The following ERC1 variants were observed in gnomAD, a reference collection of about 807,000 sequenced individuals.
The protein encoded by ERC1 is RAB6 interacting protein 2.
In ERC1, 56 loss-of-function variants were observed where a neutral mutation model predicts 132.0. The observed-to-expected ratio is 0.42, with a 90% confidence interval of 0.34 to 0.53. ERC1 has a LOEUF of 0.53. Ranked by LOEUF, ERC1 falls within the 20% of genes least tolerant of loss-of-function variation. The probability of loss-of-function intolerance (pLI) is 0.03; values close to 1 mark genes in which losing one functional copy is unlikely to be tolerated. For missense variants in ERC1, 1,202 were observed against 1,349.9 expected, an observed-to-expected ratio of 0.89 and a Z score of 1.72; for synonymous variants, 478 against 476.1, an observed-to-expected ratio of 1.00 and a Z score of -0.05.
At chr12:1,460,762 A>G (rs1372775769) in intron 18 of ERC1, among the ~76,000 whole-genome samples, 1 of 151,554 alleles carries the variant, frequency 6.6e-6, no homozygotes, top group African/African-American at 2.4e-5. Flanking sequence ...ATTATCTAGT[A>G]TAACAGGGAT....
chr12:1,190,710 A>G (rs1594094744), intron 12 of ERC1, among the ~76,000 whole-genome samples: 1 of 152,122 alleles, frequency 6.6e-6, no homozygotes, highest in Admixed American at 6.6e-5. Flanking sequence ...AAGGTCAAGC[A>G]TGTGCCTCTT....
intron 18 of ERC1, among the ~76,000 whole-genome samples, chr12:1,476,048 G>T (rs191686940): frequency 1.1e-4 from 17 of 151,816 alleles, no homozygotes; most frequent in African/African-American, 4.1e-4. Flanking sequence ...TGGATCACAC[G>T]GTCAGGAGAT....
At chr12:1,150,400 T>C (rs1250362876) in intron 8 of ERC1, among the ~76,000 whole-genome samples, 1 of 152,218 alleles carries the variant, frequency 6.6e-6, no homozygotes, top group Non-Finnish European at 1.5e-5. Flanking sequence ...TTCAAAGTTA[T>C]TTACAACTCT....
chr12:1,008,687 A>G, intron 1 of ERC1, among the ~76,000 whole-genome samples: 1 of 152,222 alleles, frequency 6.6e-6, no homozygotes, highest in East Asian at 1.9e-4. Context: ...GCTTAGTTTT[A>G]TCAGAAATAT....
intron 15 of ERC1, among the ~76,000 whole-genome samples, chr12:1,343,254 T>C (rs1428534460): frequency 6.6e-6 from 1 of 152,224 alleles, no homozygotes; most frequent in Non-Finnish European, 1.5e-5. Context: ...ATAGACTTCA[T>C]CCTTCAAAAG....
chr12:1,345,842 A>G (rs2084399534), intron 15 of ERC1, among the ~76,000 whole-genome samples: 4 of 152,146 alleles, frequency 2.6e-5, no homozygotes, highest in Admixed American at 2.6e-4. Context: ...TGACTATTTC[A>G]GGAAAGACTG....
chr12:1,402,097 A>G (rs1445974186), intron 16 of ERC1, among the ~76,000 whole-genome samples: 1 of 152,236 alleles, frequency 6.6e-6, no homozygotes, highest in Non-Finnish European at 1.5e-5. Flanking sequence ...AAATTAGAAA[A>G]TAAGGAAATT....
In ERC1 at chr12:1,300,216, A is replaced by G. The variant is rs535897107; in HGVS notation, c.2780+10204A>G. On this transcript the variant is annotated intron_variant, in intron 15 of 18. Transcript: ENST00000360905. ...ACCTGACAAAAACAAGCAATGGGGG[A>G]AAGGATTCCTTATTCAATAAATGGT... Among the ~76,000 whole-genome samples, 678 of 152,330 alleles carry G rather than the reference A, an allele frequency of 4.5e-3. 7 individuals are homozygous for G. The highest frequency in any genetic ancestry group is 0.016 in the African/African-American group (657 of 41,566).
intron 15 of ERC1, among the ~76,000 whole-genome samples, chr12:1,297,198 TAAA>T (rs35473192): frequency 0.013 from 1,689 of 130,352 alleles, 11 homozygotes; most frequent in Non-Finnish European, 0.017. Context: ...TTCAGGGTAC[TAAA>T]AAAAAAAAAA....
chr12:1,464,511 CTTTTTTTTTTTT>C (rs34542821), intron 18 of ERC1, among the ~76,000 whole-genome samples: 4 of 67,398 alleles, frequency 5.9e-5, no homozygotes, highest in Non-Finnish European at 1.1e-4. Flanking sequence ...ATGCAAAAGC[CTTTTTTTTTTTT>C]TTTTTTTTTT....
chr12:1,442,490 TAG>T (rs947216328), intron 17 of ERC1, among the ~76,000 whole-genome samples: 1 of 151,796 alleles, frequency 6.6e-6, no homozygotes, highest in Non-Finnish European at 1.5e-5. Flanking sequence ...CGTTTATCCT[TAG>T]AGAGAGAGAG....
At chr12:1,155,951 G>A (rs1951351498) in intron 8 of ERC1, among the ~76,000 whole-genome samples, 2 of 151,908 alleles carry the variant, frequency 1.3e-5, no homozygotes, top group East Asian at 1.9e-4. Context: ...GCTCCTCTCA[G>A]TGCAGTTCTT....
intron 15 of ERC1, among the ~76,000 whole-genome samples, chr12:1,343,455 T>A (rs2084115178): frequency 6.6e-6 from 1 of 152,188 alleles, no homozygotes; most frequent in South Asian, 2.1e-4. Context: ...TTCAAAAGAT[T>A]CCTATGAGCT....
intron 13 of ERC1, among the ~76,000 whole-genome samples, chr12:1,256,928 T>C (rs1050556039): frequency 6.6e-6 from 1 of 150,702 alleles, no homozygotes; most frequent in African/African-American, 2.5e-5. Flanking sequence ...ATACTGGAGC[T>C]ACATCCTCAG....
At chr12:1,013,507 T>C (rs1046017513) in intron 1 of ERC1, among the ~76,000 whole-genome samples, 24 of 152,080 alleles carry the variant, frequency 1.6e-4, no homozygotes, top group Admixed American at 1.6e-3. Context: ...TCATTGCTGC[T>C]CCAAGCAGAG....
At chr12:1,252,480 A>G (rs1323594744) in intron 13 of ERC1, among the ~76,000 whole-genome samples, 1 of 152,186 alleles carries the variant, frequency 6.6e-6, no homozygotes, top group East Asian at 1.9e-4. Flanking sequence ...ATACTCAGCT[A>G]CCATGATTTT....
chr12:1,394,236 T>TA (rs1031342516), intron 16 of ERC1, among the ~76,000 whole-genome samples: 3 of 147,608 alleles, frequency 2.0e-5, no homozygotes, highest in South Asian at 2.2e-4. Flanking sequence ...CCATCTCTAC[T>TA]AAAAATACAA....
chr12:1,095,631 G>T (rs182272711), intron 3 of ERC1, among the ~76,000 whole-genome samples: 49 of 152,176 alleles, frequency 3.2e-4, no homozygotes, highest in Middle Eastern at 3.4e-3. Flanking sequence ...AGCCAAAAAG[G>T]AGTGAAATAA....
intron 1 of ERC1, among the ~76,000 whole-genome samples, chr12:1,003,874 G>A (rs981325286): frequency 1.3e-5 from 2 of 152,226 alleles, no homozygotes; most frequent in East Asian, 3.8e-4. Context: ...AGGGGCTGAT[G>A]CCTGCAGTGT....
Sources: allele counts gnomAD v4.1 joint callset (sites outside exome capture counted in the v4.1 genomes callset), GRCh38; gene constraint gnomAD v4.1.1; transcripts MANE v1.5; gene names NCBI Gene and HGNC (gene_info 2026-07-23, HGNC 2026-07-21).